PRICKLE1: variants seen among roughly 807,000 people sequenced by gnomAD.
The protein encoded by PRICKLE1 is prickle-like protein 1.
PRICKLE1 carries 14 observed loss-of-function variants against 70.2 expected under a neutral mutation model. The ratio of observed to expected loss-of-function variants is 0.20; its 90% CI spans 0.13 to 0.31. The LOEUF (loss-of-function observed/expected upper bound fraction) is 0.31. Among genes scored for constraint, PRICKLE1 ranks in the 10% least tolerant of loss-of-function variants. The pLI, the probability that PRICKLE1 is intolerant of heterozygous loss-of-function variation, is 1.00. For missense variants in PRICKLE1, 821 were observed against 1,026.2 expected (o/e 0.80, Z 2.73); for synonymous variants, 357 against 379.9 (o/e 0.94, Z 0.70).
chr12:42,469,336 A>C, intron 4 of PRICKLE1, 114 bp downstream of exon 4: 1 of 1,264,974 alleles, frequency 7.9e-7, no homozygotes, highest in Non-Finnish European at 1.1e-6. Flanking sequence ...TCTTTCTCTC[A>C]TTTTCTGGAG....
rs1378531808 is a variant in PRICKLE1, at chr12:42,459,301, T to C, written c.*508A>G. The C allele has an allele frequency of 2.8e-6, 2 of 702,508 alleles. No individual in the cohort carries two copies. The highest frequency in any genetic ancestry group is 1.5e-5 in the South Asian group (1 of 67,594). The allele number at this position is 702,508 out of a possible 1,614,324, so 43.5% of individuals were successfully genotyped here. On this transcript the variant is annotated 3_prime_UTR_variant, in exon 8 of 8. Coordinates refer to ENST00000345127, the MANE Select transcript of PRICKLE1 (RefSeq NM_153026.3). The stretch of plus-strand genomic sequence containing the variant: ...AGCTGGCGCTGATACAATACAATGT[T>C]TACCTGGCCAAAGAGGGTTCGAGGG...
At chr12:42,479,049 A>T (rs1938689207) in intron 1 of PRICKLE1, among the ~76,000 whole-genome samples, 1 of 152,216 alleles carries the variant, frequency 6.6e-6, no homozygotes, top group Non-Finnish European at 1.5e-5. Flanking sequence ...ACCTGATTTT[A>T]AAAAATAGCC....
At chr12:42,580,004 T>C (rs929480632) in intron 1 of PRICKLE1, among the ~76,000 whole-genome samples, 2 of 152,092 alleles carry the variant, frequency 1.3e-5, no homozygotes, top group African/African-American at 2.4e-5. Flanking sequence ...CCTGGGTAGT[T>C]GGGATTACAG....
chr12:42,495,620 T>C (rs1296668344), intron 1 of PRICKLE1, among the ~76,000 whole-genome samples: 1 of 151,816 alleles, frequency 6.6e-6, no homozygotes, highest in African/African-American at 2.4e-5. Context: ...AGATGGAGTC[T>C]CGCTCTGTCG....
intron 1 of PRICKLE1, among the ~76,000 whole-genome samples, chr12:42,474,335 A>T (rs1219391662): frequency 6.6e-6 from 1 of 152,246 alleles, no homozygotes; most frequent in East Asian, 1.9e-4. Context: ...AAATGATAGG[A>T]CATTGAGAAA....
chr12:42,552,343 C>T (rs763515233), intron 1 of PRICKLE1, among the ~76,000 whole-genome samples: 1 of 152,186 alleles, frequency 6.6e-6, no homozygotes, highest in Admixed American at 6.5e-5. Flanking sequence ...GCTGGGATTA[C>T]AGGTGTGAGC....
chr12:42,493,030 T>G (rs1939132127), intron 1 of PRICKLE1, among the ~76,000 whole-genome samples: 1 of 152,214 alleles, frequency 6.6e-6, no homozygotes, highest in Non-Finnish European at 1.5e-5. Flanking sequence ...TATCAGTCCA[T>G]TTATTTATTT....
rs1435092829 is a variant in PRICKLE1 at position 42,458,172 on chromosome 12, T to C, written c.*1637A>G. On this transcript the variant is annotated 3_prime_UTR_variant, in exon 8 of 8. Transcript: ENST00000345127. ...CAAATTTTCCCCACTCCAGTCTATA[T>C]GGAAAAAATAAGCCTCTGTGTCTGA... is the stretch of plus-strand genomic sequence containing the variant. 3 of 152,302 alleles carry C rather than the reference T, an allele frequency of 2.0e-5. No individual in the cohort carries two copies. The highest frequency in any genetic ancestry group is 3.9e-4 in the East Asian group (2 of 5,186). 9.4% of individuals were successfully genotyped at this position (152,302 alleles called of 1,614,324 possible). A position where few individuals can be genotyped will look rare whatever the true frequency, so the allele number is the denominator to read the frequency against.
chr12:42,508,693 G>A (rs1158329408), intron 1 of PRICKLE1, among the ~76,000 whole-genome samples: 1 of 152,142 alleles, frequency 6.6e-6, no homozygotes, highest in African/African-American at 2.4e-5. Flanking sequence ...ACACAGGTGG[G>A]CAGACAGGTA....
intron 1 of PRICKLE1, among the ~76,000 whole-genome samples, chr12:42,486,773 A>G (rs968117935): frequency 6.6e-6 from 1 of 152,318 alleles, no homozygotes; most frequent in Non-Finnish European, 1.5e-5. Context: ...TGCTCTTGGT[A>G]TCAGACATTT....
At chr12:42,579,162 G>T (rs1326359921) in intron 1 of PRICKLE1, among the ~76,000 whole-genome samples, 1 of 152,180 alleles carries the variant, frequency 6.6e-6, no homozygotes, top group African/African-American at 2.4e-5. Context: ...ATCTAACAGT[G>T]CTATGAAAAA....
chr12:42,539,340 C>T (rs1304515994), intron 1 of PRICKLE1, among the ~76,000 whole-genome samples: 2 of 151,578 alleles, frequency 1.3e-5, no homozygotes, highest in South Asian at 2.1e-4. Context: ...TGGGGGTGGG[C>T]GCCTGTAGTC....
At chr12:42,514,939 A>G (rs2120423817) in intron 1 of PRICKLE1, among the ~76,000 whole-genome samples, 1 of 142,042 alleles carries the variant, frequency 7.0e-6, no homozygotes, top group Admixed American at 7.1e-5. Context: ...CTATCTATCT[A>G]TATTTTTTGA....
chr12:42,485,525 C>G (rs562132117), intron 1 of PRICKLE1: 18 of 152,248 alleles, frequency 1.2e-4, no homozygotes, highest in South Asian at 1.0e-3. Flanking sequence ...CCATGAATAC[C>G]TAGGTCAGAT....
chr12:42,466,193 C>G lies in PRICKLE1; in HGVS notation c.775+1G>C. On this transcript the variant is annotated splice_donor_variant, in intron 6 of 7. Transcript: ENST00000345127. LOFTEE classifies it high-confidence loss of function. ...GGCAGACGGGCTGGCTGTGGACTTACCAATATGTTCCCCACAGGTTTCACA... is the reference window on the plus strand; with the variant it reads ...GGCAGACGGGCTGGCTGTGGACTTAGCAATATGTTCCCCACAGGTTTCACA... 1 of 1,614,162 alleles carries G rather than the reference C, an allele frequency of 6.2e-7. No homozygotes were observed. Among genetic ancestry groups the G allele is most frequent in the Non-Finnish European group, 8.5e-7 (1 of 1,180,022 alleles).
In PRICKLE1 at chr12:42,588,961, G is replaced by A. The variant is rs190383510; in HGVS notation, c.-49+504C>T. Among the ~76,000 whole-genome samples the A allele has an allele frequency of 4.6e-5, 7 of 152,214 alleles. No homozygotes were observed. In the East Asian group the frequency reaches 9.7e-4, roughly 21 times the overall value. On this transcript the variant is annotated intron_variant, in intron 1 of 7. Coordinates refer to ENST00000345127, the MANE Select transcript of PRICKLE1 (RefSeq NM_153026.3). ...CTACATTCAGCAAACACCATCGCGG[G>A]GCAGGGGGTTGGGGAGAGTGGTGGG...
At chr12:42,506,567 CTTTTTT>C (rs139103281) in intron 1 of PRICKLE1, among the ~76,000 whole-genome samples, 12,913 of 64,726 alleles carry the variant, frequency 0.2, 1,279 homozygotes, top group African/African-American at 0.34. Flanking sequence ...CAATAGTGTT[CTTTTTT>C]TTTTTTTTTT....
Position 42,469,616 on chromosome 12 carries a change from C to T in PRICKLE1, c.247-29G>A, listed in dbSNP as rs188813689. ...CACAGAAAGCAAAACAGAAACACCACACTGAGTGCACAGTCTTTCTCACCA... is the reference window on the plus strand; with the variant it reads ...CACAGAAAGCAAAACAGAAACACCATACTGAGTGCACAGTCTTTCTCACCA... On this transcript the variant is annotated intron_variant, in intron 3 of 7. Transcript: ENST00000345127. The T allele has an allele frequency of 1.1e-3, 1,728 of 1,613,414 alleles. 2 individuals are homozygous for T. The highest frequency in any genetic ancestry group is 1.5e-3 in the South Asian group (140 of 91,076).
At chr12:42,530,966 CA>C (rs1476151711) in intron 1 of PRICKLE1, among the ~76,000 whole-genome samples, 2 of 145,886 alleles carry the variant, frequency 1.4e-5, no homozygotes, top group African/African-American at 5.1e-5. Flanking sequence ...CCACCGTGCC[CA>C]GCCATCAGAT....
Sources: allele counts gnomAD v4.1 joint callset (sites outside exome capture counted in the v4.1 genomes callset), GRCh38; gene constraint gnomAD v4.1.1; transcripts MANE v1.5; gene names NCBI Gene and HGNC (gene_info 2026-07-23, HGNC 2026-07-21).